Variants in UPRT observed in about 807,000 individuals in gnomAD.
UPRT encodes uracil phosphoribosyltransferase homolog, also known as RP11-311P8.3.
A neutral mutation model predicts 22.6 loss-of-function variants in UPRT; 5 were observed. That is an observed-to-expected ratio of 0.22 (90% CI 0.12 to 0.47). The LOEUF (loss-of-function observed/expected upper bound fraction) is 0.47, where lower values mean the gene tolerates loss of function less well. Ranked by LOEUF, UPRT falls within the 20% of genes least tolerant of loss-of-function variation. The probability of loss-of-function intolerance (pLI) is 0.99; values close to 1 mark genes in which losing one functional copy is unlikely to be tolerated. For missense variants in UPRT, 181 were observed against 239.9 expected, an observed-to-expected ratio of 0.75 and a Z score of 1.62; for synonymous variants, 77 against 87.7, an observed-to-expected ratio of 0.88 and a Z score of 0.68.
chrX:75,248,574 T>A (rs2082515755), intron 4 of UPRT, among the ~76,000 whole-genome samples: 1 of 111,867 alleles, frequency 8.9e-6, no homozygotes, highest in South Asian at 3.7e-4. Context: ...AGACCAAATC[T>A]ACGTCTGATT....
intron 4 of UPRT, among the ~76,000 whole-genome samples, chrX:75,218,323 C>T (rs2082399597): frequency 9.1e-6 from 1 of 110,449 alleles, no homozygotes; most frequent in Non-Finnish European, 1.9e-5. Flanking sequence ...AAATGCAAAT[C>T]AAAACCACAA....
chrX:75,199,226 C>A (rs2082341088), intron 4 of UPRT, among the ~76,000 whole-genome samples: 1 of 111,964 alleles, frequency 8.9e-6, no homozygotes, highest in African/African-American at 3.2e-5. Context: ...CTTGCACCAG[C>A]TGTCCGCAAA....
At chrX:75,297,596 G>A (rs749301936) in intron 4 of UPRT, 43 bp downstream of exon 4, 2 of 1,180,047 alleles carry the variant, frequency 1.7e-6, no homozygotes, top group African/African-American at 3.5e-5. Flanking sequence ...TGTATGCATA[G>A]AAATGGTTGC....
intron 3 of UPRT, among the ~76,000 whole-genome samples, 175 bp downstream of exon 3, chrX:75,296,586 G>A (rs1169531432): frequency 8.9e-6 from 1 of 111,936 alleles, no homozygotes; most frequent in African/African-American, 3.3e-5. Context: ...AATCTGTGTA[G>A]ATGACTTTTT....
chrX:75,245,266 T>TAAAAA (rs766688686), intron 4 of UPRT, among the ~76,000 whole-genome samples: 6 of 65,409 alleles, frequency 9.2e-5, no homozygotes, highest in Admixed American at 1.7e-4. Flanking sequence ...TACTAAAAAG[T>TAAAAA]AAAAAAAAAA....
upstream of UPRT, among the ~76,000 whole-genome samples, chrX:75,272,762 T>C (rs943027723): frequency 9.1e-6 from 1 of 110,277 alleles, no homozygotes; most frequent in Non-Finnish European, 1.9e-5. Context: ...AAAAAATCTG[T>C]ATAGGCATGT....
chrX:75,191,775 TA>T (rs1027511232), intron 4 of UPRT, among the ~76,000 whole-genome samples: 3 of 112,306 alleles, frequency 2.7e-5, no homozygotes, highest in African/African-American at 9.7e-5. Flanking sequence ...GCACGGGATA[TA>T]ATCTGCTGCT....
intron 4 of UPRT, among the ~76,000 whole-genome samples, chrX:75,247,080 G>A (rs1043966209): frequency 5.4e-5 from 6 of 111,239 alleles, no homozygotes; most frequent in East Asian, 2.8e-4. Flanking sequence ...GTCACTCTTC[G>A]TCAAAGTGTA....
At chrX:75,226,408 G>A (rs937094705) in intron 4 of UPRT, among the ~76,000 whole-genome samples, 4 of 111,165 alleles carry the variant, frequency 3.6e-5, no homozygotes, top group African/African-American at 1.3e-4. Flanking sequence ...CTAATCACAC[G>A]GAAAGTTATG....
intron 1 of UPRT, among the ~76,000 whole-genome samples, chrX:75,286,180 T>C (rs2082678964): frequency 9.0e-6 from 1 of 111,010 alleles, no homozygotes; most frequent in Non-Finnish European, 1.9e-5. Context: ...TTCTTCCTCC[T>C]CAACTTAGAT....
At chrX:75,179,429 A>C (rs1397816706) in intron 4 of UPRT, among the ~76,000 whole-genome samples, 2 of 113,291 alleles carry the variant, frequency 1.8e-5, no homozygotes, top group Non-Finnish European at 3.7e-5. Flanking sequence ...CGTCCCCACC[A>C]GACTCAGGAG....
chrX:75,207,899 G>T (rs1402709496), intron 4 of UPRT, among the ~76,000 whole-genome samples: 2 of 111,762 alleles, frequency 1.8e-5, no homozygotes, highest in Non-Finnish European at 3.8e-5. Context: ...AAAGAGCTTG[G>T]TGTGGTTGGG....
chrX:75,282,944 T>C (rs2082664418), intron 1 of UPRT, among the ~76,000 whole-genome samples: 1 of 111,998 alleles, frequency 8.9e-6, no homozygotes, highest in African/African-American at 3.2e-5. Context: ...GTTTTATAAA[T>C]TTGGGAGGTC....
intron 4 of UPRT, among the ~76,000 whole-genome samples, chrX:75,218,035 G>A (rs1305318596): frequency 4.5e-5 from 5 of 111,152 alleles, no homozygotes; most frequent in Non-Finnish European, 9.5e-5. Flanking sequence ...AAATTGACAA[G>A]TGGGATCTAA....
chrX:75,221,443 GC>G (rs992170220), intron 4 of UPRT, among the ~76,000 whole-genome samples: 1 of 110,668 alleles, frequency 9.0e-6, no homozygotes, highest in Non-Finnish European at 1.9e-5. Flanking sequence ...CTTGTTTAAG[GC>G]TGATAGCTAT....
At position 75,274,367 on chromosome X, in the gene UPRT, A is replaced by T. The variant is rs1001275614; in HGVS notation, c.113A>T (p.His38Leu). The change falls in exon 1 of 7, where the codon CAC becomes CTC. Residue 38 changes from histidine to leucine, a missense_variant. Physicochemically the swap from His to Leu is moderately conservative, Grantham distance 99. Around this residue, in one of 2 missense-constraint regions of UPRT, gnomAD observed 111 missense variants for 102.8 expected, o/e 1.08. Transcript: ENST00000373383. ...QLRPGDLILD[H>L]AGGNRASRAK... Reference sequence around the variant, plus strand: ...CGACCTGGCGATCTGATCCTGGACCACGCAGGGGGAAACAGAGCCTCCAGG... The same window carrying T: ...CGACCTGGCGATCTGATCCTGGACCTCGCAGGGGGAAACAGAGCCTCCAGG... The T allele has an allele frequency of 8.3e-7, 1 of 1,211,465 alleles. No homozygotes were observed. Among genetic ancestry groups the T allele is most frequent in the Non-Finnish European group, 1.1e-6 (1 of 895,440 alleles).
upstream of UPRT, among the ~76,000 whole-genome samples, chrX:75,272,315 T>TAC (rs1569279433): frequency 8.3e-3 from 231 of 27,909 alleles, 2 homozygotes; most frequent in African/African-American, 0.017. Flanking sequence ...TATATGTGTA[T>TAC]ATATACATAT....
chrX:75,225,487 A>G (rs1351681909), intron 4 of UPRT, among the ~76,000 whole-genome samples: 2 of 111,064 alleles, frequency 1.8e-5, no homozygotes, highest in Non-Finnish European at 3.8e-5. Flanking sequence ...CCTCCTGAGA[A>G]TAATGCTTCC....
At chrX:75,165,982 C>G (rs951080371) in intron 3 of UPRT, among the ~76,000 whole-genome samples, 1 of 111,756 alleles carries the variant, frequency 8.9e-6, no homozygotes, top group Non-Finnish European at 1.9e-5. Context: ...TTCTCTAGCT[C>G]ATTCAGATTA....
Sources: allele counts gnomAD v4.1 joint callset (sites outside exome capture counted in the v4.1 genomes callset), GRCh38; gene constraint gnomAD v4.1.1; regional missense constraint gnomAD v4.1.1; transcripts MANE v1.5; gene names NCBI Gene and HGNC (gene_info 2026-07-23, HGNC 2026-07-21).